Variants in VDR observed in about 807,000 individuals in gnomAD.
The protein encoded by VDR is vitamin D3 receptor.
Under a neutral mutation model 39.7 loss-of-function variants are expected in VDR, and 19 were observed. That is an observed-to-expected ratio of 0.48 (90% CI 0.33 to 0.70). VDR has a LOEUF of 0.70. VDR is among the 30% of genes least tolerant of loss of function. The probability of loss-of-function intolerance (pLI) is 0.02; values close to 1 mark genes in which losing one functional copy is unlikely to be tolerated. For synonymous variants in VDR, 242 were observed against 215.8 expected, an observed-to-expected ratio of 1.12 and a Z score of -1.07; for missense variants, 442 against 570.5, an observed-to-expected ratio of 0.77 and a Z score of 2.29.
chr12:47,848,758 G>T (rs541961541), intron 7 of VDR, among the ~76,000 whole-genome samples: 4 of 151,706 alleles, frequency 2.6e-5, no homozygotes, highest in African/African-American at 9.7e-5. Context: ...GTAGAGACGG[G>T]GTTTCGCCAT....
At chr12:47,867,081 T>C (rs142732221) in intron 3 of VDR, among the ~76,000 whole-genome samples, 1 of 149,386 alleles carries the variant, frequency 6.7e-6, no homozygotes, top group African/African-American at 2.5e-5. Context: ...TGAGGCTGGG[T>C]GTGGTGGCTC....
At chr12:47,856,552 A>G (rs756314467) in intron 6 of VDR, among the ~76,000 whole-genome samples, 1 of 152,010 alleles carries the variant, frequency 6.6e-6, no homozygotes, top group East Asian at 1.9e-4. Context: ...ACAATGCCAT[A>G]TAAAAAAAAG....
intron 2 of VDR, among the ~76,000 whole-genome samples, chr12:47,879,542 C>T (rs984700488): frequency 2.0e-5 from 3 of 152,146 alleles, no homozygotes; most frequent in African/African-American, 7.2e-5. Context: ...TCTATCCTGC[C>T]CAACGCCCCC....
chr12:47,881,208 C>T (rs1416922199), intron 2 of VDR, among the ~76,000 whole-genome samples: 1 of 151,796 alleles, frequency 6.6e-6, no homozygotes, highest in Non-Finnish European at 1.5e-5. Flanking sequence ...AACATGGATA[C>T]AGCTGGAGAC....
chr12:47,879,406 A>G (rs572005959), intron 2 of VDR, among the ~76,000 whole-genome samples: 1 of 152,190 alleles, frequency 6.6e-6, no homozygotes, highest in African/African-American at 2.4e-5. Flanking sequence ...TCACCTCTGC[A>G]TGCCCCCGCT....
At position 47,878,210 on chromosome 12, in the gene VDR, T is replaced by TTC. The variant is rs146997322; in HGVS notation, c.146+756_146+757dup. On this transcript the variant is annotated intron_variant, in intron 3 of 9. Transcript: ENST00000549336. ...GTTTTGGCTGCCTTCTTTCAGGCTATTCTCTCTCTCTCTCTCCAATACATG... is the reference window on the plus strand; with the variant it reads ...GTTTTGGCTGCCTTCTTTCAGGCTATTCTCTCTCTCTCTCTCTCCAATACATG... Among the ~76,000 whole-genome samples the TTC allele has an allele frequency of 4.1e-3, 625 of 151,688 alleles. 5 individuals are homozygous for TTC. Among genetic ancestry groups the TTC allele is most frequent in the Middle Eastern group, 0.02 (6 of 294 alleles).
At chr12:47,904,181 C>G (rs375648945) in intron 1 of VDR, among the ~76,000 whole-genome samples, 1 of 151,866 alleles carries the variant, frequency 6.6e-6, no homozygotes, top group Non-Finnish European at 1.5e-5. Context: ...GCTCCCCCAG[C>G]CCAGGCTAGG....
At chr12:47,846,528 C>T (rs996036130) in intron 8 of VDR, 77 bp from the exon 9 acceptor site, 1 of 1,550,640 alleles carries the variant, frequency 6.4e-7, no homozygotes, top group Non-Finnish European at 8.8e-7. Flanking sequence ...TGGGTCTGAC[C>T]CTCGCCCTTC....
At chr12:47,883,940 G>A (rs1028348162) in intron 1 of VDR, among the ~76,000 whole-genome samples, 6 of 152,236 alleles carry the variant, frequency 3.9e-5, no homozygotes, top group Admixed American at 2.6e-4. Flanking sequence ...CCTAAGCTGG[G>A]CTGGCCCACC....
At chr12:47,894,314 C>G (rs986671387) in intron 1 of VDR, among the ~76,000 whole-genome samples, 2 of 152,250 alleles carry the variant, frequency 1.3e-5, no homozygotes, top group African/African-American at 4.8e-5. Flanking sequence ...AGAAGTTCCA[C>G]TCTCTGCACT....
At chr12:47,881,154 A>G (rs1005298080) in intron 2 of VDR, among the ~76,000 whole-genome samples, 4 of 151,574 alleles carry the variant, frequency 2.6e-5, no homozygotes, top group African/African-American at 9.7e-5. Context: ...ACACACGTAT[A>G]CTGTCCTTTT....
In VDR at chr12:47,857,235, C is replaced by T. The variant is rs1015956952; in HGVS notation, c.477G>A (p.Val159=). The T allele has an allele frequency of 6.2e-7, 1 of 1,614,168 alleles. No individual in the cohort carries two copies. Among genetic ancestry groups the T allele is most frequent in the Admixed American group, 1.7e-5 (1 of 60,018 alleles). The change falls in exon 6 of 10, where the codon GTG becomes GTA. Residue 159 remains valine, a synonymous_variant. Transcript: ENST00000549336. ...DFCQFRPPVR[V]NDGGGSHPSR... ...AAGGATGGCTCCCTCCACCATCATT[C>T]ACACGAACTGGAGGCTGGAAGGGAA... is the stretch of plus-strand genomic sequence containing the variant.
chr12:47,881,127 C>T lies in VDR; in HGVS notation c.-3+1567G>A, dbSNP rs78855230. 1.8e-4 allele frequency among the ~76,000 whole-genome samples: 27 copies of T among 150,932 alleles called. 1 individual carries two copies. In the East Asian group the frequency reaches 4.3e-3, roughly 24 times the overall value. On this transcript the variant is annotated intron_variant, in intron 2 of 9. Coordinates refer to ENST00000549336, the MANE Select transcript of VDR (RefSeq NM_000376.3). ...GTGTATATATATATATATACACACA[C>T]ATATACTGTCCTTTTTACACACGTA...
intron 4 of VDR, 77 bp downstream of exon 4, chr12:47,864,970 A>G (rs1406581972): frequency 6.2e-7 from 1 of 1,601,166 alleles, no homozygotes. Context: ...CCTCTGCCCA[A>G]ACTTGCAGGA....
intron 7 of VDR, among the ~76,000 whole-genome samples, chr12:47,849,567 T>C (rs1945344453): frequency 6.6e-6 from 1 of 152,240 alleles, no homozygotes; most frequent in Admixed American, 6.5e-5. Flanking sequence ...CCATAACTAA[T>C]GGAGTTTTTT....
At chr12:47,882,522 C>T in intron 2 of VDR, 172 bp downstream of exon 2, 1 of 616,994 alleles carries the variant, frequency 1.6e-6, no homozygotes. Context: ...ACCCGCACCC[C>T]ACACACTCAT....
chr12:47,876,247 G>A (rs1565625821), intron 3 of VDR, among the ~76,000 whole-genome samples: 11 of 151,290 alleles, frequency 7.3e-5, no homozygotes. Context: ...GTGCATGTGT[G>A]TGTTTGTTTA....
In VDR at chr12:47,844,702, C is replaced by T; in HGVS notation, c.*44G>A. ...CCAGCCCCGGGCCTGGCACGTGGCC[C>T]TGGAGGAGCAGCCCCACCCAGGCAC... On this transcript the variant is annotated 3_prime_UTR_variant, in exon 10 of 10. Transcript: ENST00000549336. 2 of 1,612,652 alleles carry T rather than the reference C, an allele frequency of 1.2e-6. No homozygotes were observed. Among genetic ancestry groups the T allele is most frequent in the Non-Finnish European group, 1.7e-6 (2 of 1,179,748 alleles).
intron 3 of VDR, among the ~76,000 whole-genome samples, chr12:47,871,284 T>TTCTC (rs1565622548): frequency 7.1e-6 from 1 of 141,694 alleles, no homozygotes; most frequent in Non-Finnish European, 1.6e-5. Flanking sequence ...TTCTCTTTCT[T>TTCTC]TCTCTTTCTC....
Sources: gnomAD v4.1 joint callset for allele counts (sites outside exome capture counted in the v4.1 genomes callset) on GRCh38, gnomAD v4.1.1 for gene constraint, MANE v1.5 for transcripts, NCBI Gene and HGNC (gene_info 2026-07-23, HGNC 2026-07-21) for gene names.